PCDH11X: variants seen among roughly 807,000 people sequenced by gnomAD.
The protein encoded by PCDH11X is protocadherin 11 X-linked.
PCDH11X carries 18 observed loss-of-function variants against 53.3 expected under a neutral mutation model. The ratio of observed to expected loss-of-function variants is 0.34; its 90% confidence interval spans 0.23 to 0.50. PCDH11X has a LOEUF of 0.50. Ranked by LOEUF, PCDH11X falls within the 20% of genes least tolerant of loss-of-function variation. The pLI is 0.98. For synonymous variants in PCDH11X, 279 were observed against 393.3 expected (o/e 0.71, Z 3.44); for missense variants, 570 against 1,032.4 (o/e 0.55, Z 6.14).
At chrX:92,174,980 AT>A (rs770210173) in intron 6 of PCDH11X, among the ~76,000 whole-genome samples, 157 of 105,567 alleles carry the variant, frequency 1.5e-3, no homozygotes, top group Middle Eastern at 4.9e-3. Context: ...ATAATTTACA[AT>A]TTTTTTTTTT....
chrX:92,496,380 T>A (rs1472243121), intron 10 of PCDH11X, among the ~76,000 whole-genome samples: 2 of 105,781 alleles, frequency 1.9e-5, no homozygotes, highest in Non-Finnish European at 3.8e-5. Context: ...AGGAAAAATG[T>A]GGTGATGAAG....
intron 6 of PCDH11X, among the ~76,000 whole-genome samples, chrX:91,891,531 A>G (rs1482944454): frequency 3.1e-5 from 3 of 96,218 alleles, no homozygotes; most frequent in Non-Finnish European, 6.1e-5. Flanking sequence ...CGATTAACCC[A>G]AAGCAATGAA....
chrX:91,994,481 T>C (rs2062377665), intron 6 of PCDH11X, among the ~76,000 whole-genome samples: 1 of 104,346 alleles, frequency 9.6e-6, no homozygotes, highest in Admixed American at 1.0e-4. Flanking sequence ...TATCAGGATC[T>C]CCTTGTTTTT....
intron 6 of PCDH11X, among the ~76,000 whole-genome samples, chrX:92,031,548 A>G (rs1472995698): frequency 9.0e-6 from 1 of 110,801 alleles, no homozygotes; most frequent in African/African-American, 3.3e-5. Flanking sequence ...GACTCAAGAA[A>G]TTTTTGCCCA....
chrX:91,894,733 A>G (rs752470289), intron 6 of PCDH11X, among the ~76,000 whole-genome samples: 133 of 110,917 alleles, frequency 1.2e-3, no homozygotes, highest in African/African-American at 4.2e-3. Flanking sequence ...TTTCATGGAG[A>G]AAAATACCAT....
At chrX:91,976,318 TAAAAC>T (rs1472153222) in intron 6 of PCDH11X, among the ~76,000 whole-genome samples, 2 of 112,372 alleles carry the variant, frequency 1.8e-5, no homozygotes, top group Admixed American at 9.4e-5. Flanking sequence ...AGGAAAAAAA[TAAAAC>T]AGATGTAATT....
chrX:91,953,726 A>G (rs756718726), intron 6 of PCDH11X, among the ~76,000 whole-genome samples: 1 of 109,448 alleles, frequency 9.1e-6, no homozygotes, highest in East Asian at 2.9e-4. Flanking sequence ...AATATTCTCT[A>G]TTTACACTGG....
At chrX:92,039,312 T>C (rs755234025) in intron 6 of PCDH11X, among the ~76,000 whole-genome samples, 1 of 112,422 alleles carries the variant, frequency 8.9e-6, no homozygotes, top group East Asian at 2.8e-4. Context: ...CAGCAAGTTT[T>C]CCAGGCCCTG....
intron 10 of PCDH11X, among the ~76,000 whole-genome samples, chrX:92,475,151 C>T (rs1182587499): frequency 4.3e-5 from 3 of 69,001 alleles, no homozygotes; most frequent in African/African-American, 6.6e-5. Context: ...GGCGACAGAG[C>T]GAGACTCCGT....
chrX:91,934,663 T>A (rs2061424652), intron 6 of PCDH11X, among the ~76,000 whole-genome samples: 1 of 102,981 alleles, frequency 9.7e-6, no homozygotes, highest in African/African-American at 3.5e-5. Flanking sequence ...ATATATGATT[T>A]TAAAATTCTA....
chrX:92,109,288 T>C (rs759322393), intron 6 of PCDH11X, among the ~76,000 whole-genome samples: 1 of 110,504 alleles, frequency 9.0e-6, no homozygotes, highest in South Asian at 3.9e-4. Context: ...GGAGAATTAC[T>C]GGTTGAGTCC....
At chrX:92,191,597 C>T (rs1021835282) in intron 6 of PCDH11X, among the ~76,000 whole-genome samples, 3 of 112,000 alleles carry the variant, frequency 2.7e-5, no homozygotes, top group Non-Finnish European at 5.6e-5. Context: ...ATCTTAACTC[C>T]GTTCATTATT....
At chrX:91,825,259 T>A (rs13362971) in intron 4 of PCDH11X, among the ~76,000 whole-genome samples, 4 of 108,487 alleles carry the variant, frequency 3.7e-5, no homozygotes, top group African/African-American at 1.4e-4. Context: ...CAATGGCGGG[T>A]GCCCCTCCCC....
intron 9 of PCDH11X, among the ~76,000 whole-genome samples, chrX:92,435,667 C>A (rs1216902503): frequency 9.0e-6 from 1 of 111,244 alleles, no homozygotes; most frequent in Admixed American, 9.6e-5. Context: ...ATTCAACCAA[C>A]ATTTTCATAT....
chrX:91,875,443 A>G (rs1297855596), intron 5 of PCDH11X, among the ~76,000 whole-genome samples: 2 of 104,830 alleles, frequency 1.9e-5, no homozygotes, highest in African/African-American at 3.7e-5. Context: ...CCACCACGCC[A>G]GGCTAATTTT....
intron 10 of PCDH11X, among the ~76,000 whole-genome samples, chrX:92,537,665 AAC>A (rs1475356490): frequency 1.6e-4 from 17 of 107,529 alleles, no homozygotes; most frequent in African/African-American, 5.1e-4. Flanking sequence ...AAAAAAAAAA[AAC>A]CAGACATATA....
chrX:92,621,385 T>C lies in PCDH11X; in HGVS notation c.*2445T>C, dbSNP rs1488922831. On this transcript the variant is annotated 3_prime_UTR_variant, in exon 11 of 11. Coordinates refer to ENST00000682573, the MANE Select transcript of PCDH11X (RefSeq NM_032968.5). ...TTTGACACCTTTCCTATAGATGATA[T>C]AGGAATGAACCAATACGCTTTTATT... The C allele has an allele frequency of 2.7e-5, 3 of 110,091 alleles. No homozygotes were observed. Among genetic ancestry groups the C allele is most frequent in the African/African-American group, 9.9e-5 (3 of 30,191 alleles). The allele number at this position is 110,091 out of a possible 1,213,427, so 9.1% of individuals were successfully genotyped here.
At position 92,005,154 on chromosome X, in the gene PCDH11X, A is replaced by G. The variant is rs1376845082; in HGVS notation, c.3033+125881A>G. 4.5e-5 allele frequency among the ~76,000 whole-genome samples: 5 copies of G among 110,519 alleles called. No homozygotes were observed. In the Admixed American group the frequency reaches 4.8e-4, roughly 11 times the overall value. Reference sequence around the variant, plus strand: ...GCTTCTTTATCCATGCAGCTGGTTTATGTCTTTCGATTGGAGAATTCAGTC... The same window carrying G: ...GCTTCTTTATCCATGCAGCTGGTTTGTGTCTTTCGATTGGAGAATTCAGTC... On this transcript the variant is annotated intron_variant, in intron 6 of 10. Coordinates refer to ENST00000682573, the MANE Select transcript of PCDH11X (RefSeq NM_032968.5).
At chrX:92,599,466 G>A (rs147285873) in intron 10 of PCDH11X, among the ~76,000 whole-genome samples, 1,404 of 111,780 alleles carry the variant, frequency 0.013, 25 homozygotes, top group African/African-American at 0.043. Flanking sequence ...GAGATCTGAT[G>A]GTTTTCTAAA....
Sources: gnomAD v4.1 joint callset for allele counts (sites outside exome capture counted in the v4.1 genomes callset) on GRCh38, gnomAD v4.1.1 for gene constraint, MANE v1.5 for transcripts, NCBI Gene and HGNC (gene_info 2026-07-23, HGNC 2026-07-21) for gene names.